Variants in SLC15A1 observed in about 807,000 individuals in gnomAD.
The protein encoded by SLC15A1 is Caco-2 oligopeptide transporter.
A neutral mutation model predicts 92.9 loss-of-function variants in SLC15A1; 83 were observed. The ratio of observed to expected loss-of-function variants is 0.89; its 90% CI spans 0.75 to 1.07. The LOEUF (loss-of-function observed/expected upper bound fraction) is 1.07, where lower values mean the gene tolerates loss of function less well. SLC15A1 is among the 50% of genes least tolerant of loss of function. The pLI is 0.00. For synonymous variants in SLC15A1, 322 were observed against 318.2 expected (o/e 1.01, Z -0.13); for missense variants, 857 against 880.1 (o/e 0.97, Z 0.33).
Position 98,687,568 on chromosome 13 carries a change from A to G in SLC15A1, c.1827+13T>C. 6.2e-7 allele frequency: 1 copy of G among 1,613,636 alleles called. No individual in the cohort carries two copies. The highest frequency in any genetic ancestry group is 8.5e-7 in the Non-Finnish European group (1 of 1,179,804). On this transcript the variant is annotated intron_variant, in intron 21 of 22. Coordinates refer to ENST00000376503, the MANE Select transcript of SLC15A1 (RefSeq NM_005073.4). ...GTATTGCAGATGGGTGGTAAATACA[A>G]CAAACAAGAAACCTGAGAATATGAG... is the stretch of plus-strand genomic sequence containing the variant.
At chr13:98,709,538 G>T (rs767021226) in intron 14 of SLC15A1, 34 bp downstream of exon 14, 2 of 1,589,668 alleles carry the variant, frequency 1.3e-6, no homozygotes, top group Non-Finnish European at 1.7e-6. Flanking sequence ...GGGACCAAGG[G>T]AGCCTCAACC....
intron 5 of SLC15A1, 41 bp from the exon 6 acceptor site, chr13:98,721,944 C>T (rs189076948): frequency 2.9e-5 from 45 of 1,550,996 alleles, no homozygotes; most frequent in African/African-American, 2.4e-4. Flanking sequence ...GGCAGATCCT[C>T]GCAAGTAGAA....
intron 8 of SLC15A1, among the ~76,000 whole-genome samples, chr13:98,718,266 G>T (rs1485274558): frequency 4.9e-5 from 7 of 143,546 alleles, no homozygotes; most frequent in African/African-American, 1.9e-4. Flanking sequence ...TTAGCCTTGG[G>T]TTCAGCTAAT....
chr13:98,722,455 T>C (rs1349853181), intron 5 of SLC15A1, among the ~76,000 whole-genome samples: 2 of 145,808 alleles, frequency 1.4e-5, no homozygotes, highest in African/African-American at 5.2e-5. Context: ...ATTTTCTAGG[T>C]TATTGCTAAG....
intron 18 of SLC15A1, among the ~76,000 whole-genome samples, chr13:98,701,731 C>G (rs2088069265): frequency 6.7e-6 from 1 of 148,400 alleles, no homozygotes; most frequent in South Asian, 2.1e-4. Flanking sequence ...AGTGCAGCAG[C>G]ACGATCTCAG....
At chr13:98,693,447 A>G (rs2087998395) in intron 18 of SLC15A1, among the ~76,000 whole-genome samples, 1 of 152,084 alleles carries the variant, frequency 6.6e-6, no homozygotes, top group East Asian at 1.9e-4. Flanking sequence ...GTGGTATCTC[A>G]TTGTGGTTTT....
intron 11 of SLC15A1, among the ~76,000 whole-genome samples, chr13:98,710,529 A>G (rs1197111406): frequency 1.3e-5 from 2 of 152,160 alleles, no homozygotes; most frequent in Admixed American, 1.3e-4. Flanking sequence ...GAAAGTCAGG[A>G]AATTGGCCAG....
At chr13:98,727,121 T>C (rs1026484692) in intron 1 of SLC15A1, among the ~76,000 whole-genome samples, 1 of 152,212 alleles carries the variant, frequency 6.6e-6, no homozygotes. Context: ...GAATCAGGCC[T>C]AAACCATTTC....
intron 1 of SLC15A1, among the ~76,000 whole-genome samples, chr13:98,741,999 G>A (rs1426431549): frequency 6.6e-6 from 1 of 152,244 alleles, no homozygotes; most frequent in East Asian, 1.9e-4. Context: ...GTGACTGGGT[G>A]TGTTGCCATG....
At chr13:98,726,523 G>T (rs1363677734) in intron 2 of SLC15A1, 74 bp from the exon 3 acceptor site, 6 of 1,353,770 alleles carry the variant, frequency 4.4e-6, no homozygotes, top group Non-Finnish European at 6.3e-6. Flanking sequence ...AGCACCAGTG[G>T]CATGAAAGGC....
chr13:98,716,700 T>A (rs1222632475), intron 8 of SLC15A1, among the ~76,000 whole-genome samples: 1 of 152,206 alleles, frequency 6.6e-6, no homozygotes, highest in Non-Finnish European at 1.5e-5. Flanking sequence ...TTTCTCTTTT[T>A]AATATTCAGG....
At chr13:98,725,457 T>C (rs1177287233) in intron 4 of SLC15A1, among the ~76,000 whole-genome samples, 5 of 152,176 alleles carry the variant, frequency 3.3e-5, no homozygotes, top group Non-Finnish European at 5.9e-5. Flanking sequence ...TCAAGCAGCG[T>C]GAGCCCCTCA....
intron 1 of SLC15A1, among the ~76,000 whole-genome samples, chr13:98,730,026 GA>G (rs2088334596): frequency 2.0e-5 from 3 of 151,958 alleles, no homozygotes. Context: ...CCAACATGGT[GA>G]AACCCTGTCT....
At chr13:98,741,418 G>C (rs910245543) in intron 1 of SLC15A1, among the ~76,000 whole-genome samples, 1 of 152,170 alleles carries the variant, frequency 6.6e-6, no homozygotes, top group African/African-American at 2.4e-5. Flanking sequence ...CTTGAGACCA[G>C]CCTGGCCAGC....
intron 9 of SLC15A1, among the ~76,000 whole-genome samples, chr13:98,715,113 A>G (rs1424296867): frequency 6.6e-5 from 10 of 152,194 alleles, no homozygotes; most frequent in Non-Finnish European, 1.5e-5. Flanking sequence ...TTTTGCTATT[A>G]TAAGTATTAC....
At chr13:98,703,274 C>A (rs1593986449) in intron 17 of SLC15A1, among the ~76,000 whole-genome samples, 1 of 152,098 alleles carries the variant, frequency 6.6e-6, no homozygotes, top group East Asian at 1.9e-4. Flanking sequence ...AGAAGAAGGG[C>A]TCCATTTCTT....
chr13:98,751,077 T>C (rs1442427948), intron 1 of SLC15A1, among the ~76,000 whole-genome samples: 1 of 152,060 alleles, frequency 6.6e-6, no homozygotes. Context: ...TAAGAGAAGT[T>C]ACTACTACTT....
chr13:98,688,177 T>G, intron 20 of SLC15A1, 71 bp downstream of exon 20: 1 of 997,712 alleles, frequency 1.0e-6, no homozygotes, highest in Non-Finnish European at 1.6e-6. Context: ...TATTATGTCC[T>G]AAGTGTTTGT....
intron 1 of SLC15A1, among the ~76,000 whole-genome samples, chr13:98,732,306 T>A (rs1361625315): frequency 2.0e-5 from 3 of 152,194 alleles, no homozygotes; most frequent in Admixed American, 1.3e-4. Flanking sequence ...GGACTTCCCA[T>A]AGGACTGTTC....
Sources: gnomAD v4.1 joint callset for allele counts (sites outside exome capture counted in the v4.1 genomes callset) on GRCh38, gnomAD v4.1.1 for gene constraint, MANE v1.5 for transcripts, NCBI Gene and HGNC (gene_info 2026-07-23, HGNC 2026-07-21) for gene names.